ZNF892: variants seen among roughly 807,000 people sequenced by gnomAD.
ZNF892 encodes zinc finger protein 892, also known as zinc finger protein 570-like.
At chr2:95,262,291 A>C in the ZNF892 span, among the ~76,000 whole-genome samples, 1 of 152,194 alleles carries the variant, frequency 6.6e-6, no homozygotes, top group Non-Finnish European at 1.5e-5. Flanking sequence ...CTACAGTCAG[A>C]TAACCTCGAG....
the ZNF892 span, among the ~76,000 whole-genome samples, chr2:95,227,644 C>T: frequency 6.6e-6 from 1 of 151,888 alleles, no homozygotes. Flanking sequence ...GAGACAGGGT[C>T]TCTGCTCTGT....
chr2:95,245,631 A>T, the ZNF892 span, among the ~76,000 whole-genome samples: 2 of 151,712 alleles, frequency 1.3e-5, no homozygotes, highest in African/African-American at 4.8e-5. Flanking sequence ...CTAGACTATA[A>T]AGAAGAAAAG....
the ZNF892 span, among the ~76,000 whole-genome samples, chr2:95,249,581 T>G: frequency 6.6e-6 from 1 of 152,084 alleles, no homozygotes; most frequent in East Asian, 1.9e-4. Flanking sequence ...TAACCTTTCT[T>G]TTACAGAGCA....
chr2:95,260,972 G>T, the ZNF892 span, among the ~76,000 whole-genome samples: 1 of 152,222 alleles, frequency 6.6e-6, no homozygotes, highest in African/African-American at 2.4e-5. Flanking sequence ...CTCTCTTAGT[G>T]TGCAGTGTCC....
chr2:95,235,972 A>G, the ZNF892 span, among the ~76,000 whole-genome samples: 2 of 152,072 alleles, frequency 1.3e-5, no homozygotes, highest in African/African-American at 4.8e-5. Context: ...AATCACCTCC[A>G]TTTTCATCAG....
At chr2:95,236,824 T>G in the ZNF892 span, among the ~76,000 whole-genome samples, 1 of 152,164 alleles carries the variant, frequency 6.6e-6, no homozygotes, top group Non-Finnish European at 1.5e-5. Flanking sequence ...GCAAGAAAAT[T>G]TTATTATTTC....
chr2:95,228,514 CAT>C, the ZNF892 span, among the ~76,000 whole-genome samples: 2 of 152,202 alleles, frequency 1.3e-5, no homozygotes. Flanking sequence ...ACTTTGTTCA[CAT>C]GTTGTCCAAA....
chr2:95,219,301 G>C, the ZNF892 span, among the ~76,000 whole-genome samples: 34 of 151,932 alleles, frequency 2.2e-4, no homozygotes, highest in African/African-American at 7.2e-4. Context: ...CCACCGCCCC[G>C]GCCAAGTATT....
At chr2:95,239,348 A>T in the ZNF892 span, among the ~76,000 whole-genome samples, 815 of 152,302 alleles carry the variant, frequency 5.4e-3, 6 homozygotes, top group African/African-American at 0.018. Context: ...ACATAAACTT[A>T]GTTGACAAAG....
chr2:95,258,548 T>C, the ZNF892 span, among the ~76,000 whole-genome samples: 1 of 152,136 alleles, frequency 6.6e-6, no homozygotes, highest in Non-Finnish European at 1.5e-5. Context: ...GGCTGGAAGG[T>C]TGTTTACCAT....
At chr2:95,213,003 A>G in the ZNF892 span, among the ~76,000 whole-genome samples, 1 of 152,248 alleles carries the variant, frequency 6.6e-6, no homozygotes, top group Non-Finnish European at 1.5e-5. Flanking sequence ...GATTACTGCA[A>G]AAGACTGTTG....
chr2:95,253,514 G>A, the ZNF892 span, among the ~76,000 whole-genome samples: 14 of 152,254 alleles, frequency 9.2e-5, no homozygotes, highest in South Asian at 4.2e-4. Flanking sequence ...AAGTCAGGTC[G>A]CGAGATGCCT....
At chr2:95,243,041 G>A in the ZNF892 span, among the ~76,000 whole-genome samples, 4 of 152,314 alleles carry the variant, frequency 2.6e-5, no homozygotes, top group South Asian at 2.1e-4. Context: ...TGGTGGAGAC[G>A]GGGTTTCGAT....
chr2:95,215,820 A>T, the ZNF892 span, among the ~76,000 whole-genome samples: 1 of 152,214 alleles, frequency 6.6e-6, no homozygotes, highest in African/African-American at 2.4e-5. Flanking sequence ...GAAAGAGGAA[A>T]ATTATTTGTA....
At chr2:95,261,970 G>A in the ZNF892 span, among the ~76,000 whole-genome samples, 3 of 152,162 alleles carry the variant, frequency 2.0e-5, no homozygotes, top group African/African-American at 7.2e-5. Context: ...ACGCTCTAAC[G>A]TATTTAAGTA....
the ZNF892 span, among the ~76,000 whole-genome samples, chr2:95,240,454 C>T: frequency 6.6e-6 from 1 of 152,202 alleles, no homozygotes; most frequent in Non-Finnish European, 1.5e-5. Flanking sequence ...ACTTGTGGAT[C>T]AGGAGATCCC....
At chr2:95,207,989 C>T in the ZNF892 span, among the ~76,000 whole-genome samples, 2 of 152,244 alleles carry the variant, frequency 1.3e-5, no homozygotes, top group African/African-American at 2.4e-5. Flanking sequence ...TAGCCCGCCA[C>T]TTCCATTGCC....
At chr2:95,238,136 G>T in the ZNF892 span, among the ~76,000 whole-genome samples, 1 of 152,210 alleles carries the variant, frequency 6.6e-6, no homozygotes, top group Non-Finnish European at 1.5e-5. Flanking sequence ...GCTTTTTATT[G>T]GAAGAAGATG....
the ZNF892 span, among the ~76,000 whole-genome samples, chr2:95,225,666 A>G: frequency 6.6e-6 from 1 of 152,178 alleles, no homozygotes; most frequent in African/African-American, 2.4e-5. Context: ...TTCACATACA[A>G]AATACATTCA....
Sources: gnomAD v4.1 joint callset for allele counts (sites outside exome capture counted in the v4.1 genomes callset) on GRCh38, gnomAD v4.1.1 for gene constraint, MANE v1.5 for transcripts, NCBI Gene and HGNC (gene_info 2026-07-23, HGNC 2026-07-21) for gene names.